IRAG2: variants seen among roughly 807,000 people sequenced by gnomAD.
The protein encoded by IRAG2 is inositol 1,4,5-triphosphate receptor associated 2.
A neutral mutation model predicts 69.9 loss-of-function variants in IRAG2; 45 were observed. The observed-to-expected ratio is 0.64, with a 90% CI of 0.51 to 0.83. The LOEUF is 0.83. Among genes scored for constraint, IRAG2 ranks in the 40% least tolerant of loss-of-function variants. The pLI is 0.00. For synonymous variants in IRAG2, 193 were observed against 202.4 expected, an observed-to-expected ratio of 0.95 and a Z score of 0.40; for missense variants, 520 against 587.0, an observed-to-expected ratio of 0.89 and a Z score of 1.18.
chr12:25,004,999 C>A (rs1944420012), intron 1 of IRAG2: 1 of 870,292 alleles, frequency 1.1e-6, no homozygotes, highest in Non-Finnish European at 1.5e-6. Context: ...AAAAAAAAAT[C>A]TACATTATTA....
intron 10 of IRAG2, among the ~76,000 whole-genome samples, chr12:25,084,871 G>A (rs762342391): frequency 6.8e-4 from 103 of 152,342 alleles, no homozygotes; most frequent in South Asian, 2.3e-3. Flanking sequence ...AAATTGCATA[G>A]TATTTGCATA....
At position 25,101,280 on chromosome 12, in the gene IRAG2, G is replaced by T. The variant is rs1555144272; in HGVS notation, c.844G>T (p.Val282Phe). 3 of 1,610,890 alleles carry T rather than the reference G, an allele frequency of 1.9e-6. No homozygotes were observed. The highest frequency in any genetic ancestry group is 2.5e-6 in the Non-Finnish European group (3 of 1,178,194). Reference protein sequence around the residue: ...EHAELEELKQVLLQNERSFNP... With the variant: ...EHAELEELKQFLLQNERSFNP... ...CGCTGAATTAGAAGAACTGAAACAGGTTCTTCTGCAGAATGAAAGGTCTTT... is the reference window on the plus strand; with the variant it reads ...CGCTGAATTAGAAGAACTGAAACAGTTTCTTCTGCAGAATGAAAGGTCTTT... The change falls in exon 16 of 22, where the codon GTT becomes TTT. Residue 282 changes from valine to phenylalanine, a missense_variant. Transcript: ENST00000556887.
chr12:25,021,091 C>CTTTTTTTTTTTTTTTTTTT (rs71063389), intron 7 of IRAG2: 50 of 265,948 alleles, frequency 1.9e-4, no homozygotes, highest in Middle Eastern at 1.1e-3. Context: ...TCTTTCTTTT[C>CTTTTTTTTTTTTTTTTTTT]TTTTTTTTTT....
At chr12:25,010,158 T>G (rs1482716968) in intron 2 of IRAG2, among the ~76,000 whole-genome samples, 1 of 152,324 alleles carries the variant, frequency 6.6e-6, no homozygotes, top group East Asian at 1.9e-4. Flanking sequence ...TCCAGCTTGC[T>G]TTCCAGTTCT....
Position 25,079,783 on chromosome 12 carries a change from A to C in IRAG2, c.244+20A>C. ...CCCAAGGTAAAATGTTGACAGGTGT[A>C]AGCATGATTTTAATTCTAAAACACG... On this transcript the variant is annotated intron_variant, in intron 9 of 21. Coordinates refer to ENST00000556887, the MANE Select transcript of IRAG2 (RefSeq NM_001366544.2). The C allele has an allele frequency of 6.7e-7, 1 of 1,503,076 alleles. No individual in the cohort carries two copies. Among genetic ancestry groups the C allele is most frequent in the East Asian group, 2.3e-5 (1 of 44,334 alleles). 93.1% of individuals were successfully genotyped at this position (1,503,076 alleles called of 1,614,324 possible).
At chr12:25,048,612 AT>A (rs932398862), upstream of IRAG2, among the ~76,000 whole-genome samples, 2 of 151,618 alleles carry the variant, frequency 1.3e-5, no homozygotes, top group African/African-American at 2.4e-5. Flanking sequence ...ACTTTGTAAT[AT>A]TTTTTTTCTT....
At chr12:25,012,838 T>C (rs1253131055) in intron 3 of IRAG2, among the ~76,000 whole-genome samples, 1 of 151,996 alleles carries the variant, frequency 6.6e-6, no homozygotes, top group Non-Finnish European at 1.5e-5. Context: ...AGAGAGAAAA[T>C]GTCAAGCCCA....
chr12:25,010,647 T>G (rs1565525204), intron 2 of IRAG2, among the ~76,000 whole-genome samples: 2 of 134,842 alleles, frequency 1.5e-5, no homozygotes, highest in South Asian at 4.5e-4. Flanking sequence ...ATTAAGAGAC[T>G]TTTTTTTTTC....
chr12:25,006,685 A>T (rs1373481387), intron 2 of IRAG2, among the ~76,000 whole-genome samples: 1 of 152,184 alleles, frequency 6.6e-6, no homozygotes, highest in Non-Finnish European at 1.5e-5. Flanking sequence ...ATATACATGG[A>T]AACAAAGATG....
intron 14 of IRAG2, among the ~76,000 whole-genome samples, chr12:25,095,890 C>T (rs12229161): frequency 0.11 from 17,429 of 152,252 alleles, 1,351 homozygotes; most frequent in Admixed American, 0.16. Context: ...TAACAATTAA[C>T]ATCTGCTCTT....
the IRAG2 span, among the ~76,000 whole-genome samples, chr12:24,998,529 TCTGCCCTCCCACTGAG>T: frequency 4.1e-3 from 621 of 152,324 alleles, no homozygotes; most frequent in Non-Finnish European, 5.5e-3. Flanking sequence ...AAAACCATGC[TCTGCCCTCCCACTGAG>T]CTCACTAAAG....
chr12:25,089,937 C>T, intron 13 of IRAG2, 120 bp from the exon 14 acceptor site: 1 of 1,296,016 alleles, frequency 7.7e-7, no homozygotes, highest in South Asian at 1.3e-5. Context: ...CTGTGCATGT[C>T]AGCATTATGT....
chr12:25,041,370 TC>T, intron 16 of IRAG2, among the ~76,000 whole-genome samples: 1 of 152,210 alleles, frequency 6.6e-6, no homozygotes. Flanking sequence ...TTTGTTTTTA[TC>T]TTTTTCTTCT....
chr12:25,053,310 C>G (rs554895709), intron 1 of IRAG2, among the ~76,000 whole-genome samples: 1 of 151,106 alleles, frequency 6.6e-6, no homozygotes, highest in Non-Finnish European at 1.5e-5. Flanking sequence ...ATATATTATA[C>G]TCTGATTTTA....
upstream of IRAG2, among the ~76,000 whole-genome samples, chr12:24,999,919 T>C (rs1944379300): frequency 6.6e-6 from 1 of 152,182 alleles, no homozygotes; most frequent in African/African-American, 2.4e-5. Context: ...TTTGGGGGCA[T>C]ACTTACACTA....
chr12:25,023,062 G>A (rs1237808359), intron 7 of IRAG2, among the ~76,000 whole-genome samples: 1 of 151,074 alleles, frequency 6.6e-6, no homozygotes, highest in East Asian at 1.9e-4. Flanking sequence ...GGAGGTGGAG[G>A]TTGCAGTGAA....
At chr12:25,075,145 T>G (rs1263384117) in intron 6 of IRAG2, among the ~76,000 whole-genome samples, 1 of 152,206 alleles carries the variant, frequency 6.6e-6, no homozygotes, top group Non-Finnish European at 1.5e-5. Flanking sequence ...TTAGCTTTGT[T>G]TAGGTTCCAG....
chr12:25,014,916 G>A (rs888598412), intron 3 of IRAG2, among the ~76,000 whole-genome samples: 5 of 151,300 alleles, frequency 3.3e-5, no homozygotes, highest in South Asian at 2.1e-4. Flanking sequence ...GATGGTGGAG[G>A]TAATGCCTAA....
At chr12:25,079,142 T>C (rs1947024604) in intron 6 of IRAG2, 102 bp from the exon 7 acceptor site, 4 of 1,135,426 alleles carry the variant, frequency 3.5e-6, no homozygotes, top group Non-Finnish European at 5.3e-6. Context: ...TGAGTAAATA[T>C]GGGTTCATTT....
Sources: allele counts gnomAD v4.1 joint callset (sites outside exome capture counted in the v4.1 genomes callset), GRCh38; gene constraint gnomAD v4.1.1; transcripts MANE v1.5; gene names NCBI Gene and HGNC (gene_info 2026-07-23, HGNC 2026-07-21).